The following UCP2 variants were observed in gnomAD, a reference collection of about 807,000 sequenced individuals.
UCP2 encodes the protein dicarboxylate carrier SLC25A8.
UCP2 carries 27 observed loss-of-function variants against 31.3 expected under a neutral mutation model. That is an observed-to-expected ratio of 0.86 (90% CI 0.64 to 1.19). The LOEUF (loss-of-function observed/expected upper bound fraction) is 1.19, where lower values mean the gene tolerates loss of function less well. Among genes scored for constraint, UCP2 ranks in the 50% most tolerant of loss-of-function variants. UCP2 has a pLI of 0.00. For synonymous variants in UCP2, 142 were observed against 157.4 expected (o/e 0.90, Z 0.73); for missense variants, 377 against 413.5 (o/e 0.91, Z 0.76).
chr11:73,979,794 G>A (rs78871326), intron 2 of UCP2: 2 of 151,548 alleles, frequency 1.3e-5, no homozygotes, highest in African/African-American at 2.4e-5. Flanking sequence ...CTCCAGTCTG[G>A]GTGAGAGAGT....
intron 1 of UCP2, among the ~76,000 whole-genome samples, chr11:73,982,293 AG>A (rs1951472002): frequency 6.6e-6 from 1 of 152,244 alleles, no homozygotes; most frequent in African/African-American, 2.4e-5. Flanking sequence ...AAGGACAGAA[AG>A]GATTAGCACA....
At chr11:73,976,542 G>C in intron 6 of UCP2, 99 bp downstream of exon 6, 1 of 971,958 alleles carries the variant, frequency 1.0e-6, no homozygotes. Flanking sequence ...AGGGCAAATA[G>C]GATGAAAAGA....
At position 73,976,947 on chromosome 11, in the gene UCP2, G is replaced by A; in HGVS notation, c.408C>T (p.Pro136=). The part of the protein sequence containing the change: ...TGALAVAVAQ[P]TDVVKVRFQA... Reference sequence around the variant, plus strand: ...GGAATCGGACCTTTACCACATCCGTGGGCTGGGCCACAGCCACAGCCAGGG... The same window carrying A: ...GGAATCGGACCTTTACCACATCCGTAGGCTGGGCCACAGCCACAGCCAGGG... The change falls in exon 5 of 8, where the codon CCC becomes CCT. Residue 136 remains proline, a synonymous_variant. Transcript: ENST00000663595. 6.2e-7 allele frequency: 1 copy of A among 1,611,618 alleles called. No homozygotes were observed. Among genetic ancestry groups the A allele is most frequent in the African/African-American group, 1.3e-5 (1 of 74,976 alleles).
At chr11:73,977,255 G>A (rs1727629065) in intron 4 of UCP2, among the ~76,000 whole-genome samples, 1 of 152,222 alleles carries the variant, frequency 6.6e-6, no homozygotes. Flanking sequence ...GAAACTTGGT[G>A]CTTTCTTTCA....
At position 73,976,804 on chromosome 11, in the gene UCP2, G is replaced by A. The variant is rs998528034; in HGVS notation, c.532+19C>T. The A allele has an allele frequency of 1.9e-6, 3 of 1,614,126 alleles. No individual in the cohort carries two copies. Among genetic ancestry groups the A allele is most frequent in the East Asian group, 2.2e-5 (1 of 44,902 alleles). On this transcript the variant is annotated intron_variant, in intron 5 of 7. Transcript: ENST00000663595. ...ATCGGGGAGGAGGAAAAGGGGAAGGGAAAACAACTGGTACACACCTTTCCA... is the reference window on the plus strand; with the variant it reads ...ATCGGGGAGGAGGAAAAGGGGAAGGAAAAACAACTGGTACACACCTTTCCA...
chr11:73,980,125 C>G (rs1951427823), intron 2 of UCP2: 1 of 152,300 alleles, frequency 6.6e-6, no homozygotes. Flanking sequence ...CTCCACTGCC[C>G]CAGGAGGAAG....
chr11:73,978,125 G>C (rs749679860), intron 3 of UCP2, 29 bp from the exon 4 acceptor site: 39 of 1,613,816 alleles, frequency 2.4e-5, no homozygotes, highest in Middle Eastern at 3.3e-4. Context: ...GTAGCTACAG[G>C]GATAAGCATG....
At position 73,974,924 on chromosome 11, in the gene UCP2, G is replaced by C. The variant is rs954807031; in HGVS notation, c.*83C>G. The C allele has an allele frequency of 8.7e-7, 1 of 1,145,762 alleles. No homozygotes were observed. The highest frequency in any genetic ancestry group is 1.3e-6 in the Non-Finnish European group (1 of 775,820). The allele number at this position is 1,145,762 out of a possible 1,614,324, so 71.0% of individuals were successfully genotyped here. ...AAGAGGGAAGGAGAGAAGGGAAGGA[G>C]GGAAGAGAAAGAAGGAAGAAAAGGA... On this transcript the variant is annotated 3_prime_UTR_variant, in exon 8 of 8. Coordinates refer to ENST00000663595, the MANE Select transcript of UCP2 (RefSeq NM_003355.3).
Position 73,978,088 on chromosome 11 carries a change from T to A in UCP2, c.135A>T (p.Gly45=), listed in dbSNP as rs1422667169. The A allele has an allele frequency of 6.2e-7, 1 of 1,614,046 alleles. No homozygotes were observed. The highest frequency in any genetic ancestry group is 1.7e-5 in the Admixed American group (1 of 59,994). Residue 45 remains glycine, a synonymous_variant, in exon 4 of 8, where the codon GGA becomes GGT. Coordinates refer to ENST00000663595, the MANE Select transcript of UCP2 (RefSeq NM_003355.3). ...TAGCGCGCACTGGCCCCTGACTTTC[T>A]CCTTGGATCTGCAAGGCCAAGACAG... ...DTAKVRLQIQ[G]ESQGPVRATA...
intron 2 of UCP2, among the ~76,000 whole-genome samples, chr11:73,979,529 G>C (rs1463473876): frequency 6.6e-6 from 1 of 151,912 alleles, no homozygotes; most frequent in Non-Finnish European, 1.5e-5. Flanking sequence ...CTAGGCGACA[G>C]AGCAAGACTC....
Position 73,978,089 on chromosome 11 carries a change from C to T in UCP2, c.134G>A (p.Gly45Glu). The T allele has an allele frequency of 6.2e-7, 1 of 1,614,080 alleles. No individual in the cohort carries two copies. The highest frequency in any genetic ancestry group is 8.5e-7 in the Non-Finnish European group (1 of 1,180,002). ...DTAKVRLQIQ[G>E]ESQGPVRATA... ...AGCGCGCACTGGCCCCTGACTTTCT[C>T]CTTGGATCTGCAAGGCCAAGACAGG... Residue 45 changes from glycine to glutamate, a missense_variant, in exon 4 of 8, where the codon GGA becomes GAA. Physicochemically the swap from Gly to Glu is moderately conservative, Grantham distance 98 (BLOSUM62 -2). Coordinates refer to ENST00000663595, the MANE Select transcript of UCP2 (RefSeq NM_003355.3).
In UCP2 at chr11:73,974,710, G is replaced by A; in HGVS notation, c.*297C>T. 1 of 433,758 alleles carries A rather than the reference G, an allele frequency of 2.3e-6. No homozygotes were observed. Among genetic ancestry groups the A allele is most frequent in the Non-Finnish European group, 4.3e-6 (1 of 232,100 alleles). The allele number at this position is 433,758 out of a possible 1,614,324, so 26.9% of individuals were successfully genotyped here. A position where few individuals can be genotyped will look rare whatever the true frequency, so the allele number is the denominator to read the frequency against. On this transcript the variant is annotated 3_prime_UTR_variant, in exon 8 of 8. Transcript: ENST00000663595. Reference sequence around the variant, plus strand: ...GCTTTATGGATGACAAGTGGGCTAGGCTGGGCTGTCGGGGGCAGGACGAAG... The same window carrying A: ...GCTTTATGGATGACAAGTGGGCTAGACTGGGCTGTCGGGGGCAGGACGAAG...
Position 73,977,944 on chromosome 11 carries a change from G to GAT in UCP2, c.278_279insAT (p.Val95LeufsTer28). 1 of 1,614,256 alleles carries GAT rather than the reference G, an allele frequency of 6.2e-7. No homozygotes were observed. Among genetic ancestry groups the GAT allele is most frequent in the Non-Finnish European group, 8.5e-7 (1 of 1,180,042 alleles). On this transcript the variant is annotated frameshift_variant, in exon 4 of 8. Coordinates refer to ENST00000663595, the MANE Select transcript of UCP2 (RefSeq NM_003355.3). LOFTEE classifies it high-confidence loss of function. ...AATCATACAGGCCGATGCGGACAGA[G>GAT]GCAAAGCTCATTTGGCGCTGCAGGC...
intron 4 of UCP2, among the ~76,000 whole-genome samples, chr11:73,977,430 G>C (rs1951370589): frequency 6.6e-6 from 1 of 152,162 alleles, no homozygotes; most frequent in African/African-American, 2.4e-5. Flanking sequence ...TGTGATCTGG[G>C]AAAGACAACC....
In UCP2 at chr11:73,982,344, T is replaced by C. The variant is rs540323863; in HGVS notation, c.-257+377A>G. 5.9e-5 allele frequency among the ~76,000 whole-genome samples: 9 copies of C among 152,346 alleles called. No individual in the cohort carries two copies. In the South Asian group the frequency reaches 1.9e-3, roughly 32 times the overall value. ...GCTCATGCCTAAAATTCTAGGACTTTGTGAGGCCGAGGCGGGCGGATTGCT... is the reference window on the plus strand; with the variant it reads ...GCTCATGCCTAAAATTCTAGGACTTCGTGAGGCCGAGGCGGGCGGATTGCT... On this transcript the variant is annotated intron_variant, in intron 1 of 7. Coordinates refer to ENST00000663595, the MANE Select transcript of UCP2 (RefSeq NM_003355.3).
At chr11:73,979,711 G>C (rs1006417821) in intron 2 of UCP2, among the ~76,000 whole-genome samples, 9 of 151,880 alleles carry the variant, frequency 5.9e-5, no homozygotes, top group Non-Finnish European at 1.3e-4. Context: ...CAGGCCTATA[G>C]TCCCAGCTAC....
chr11:73,978,177 G>T (rs2135368275), intron 3 of UCP2, 76 bp downstream of exon 3: 1 of 1,613,874 alleles, frequency 6.2e-7, no homozygotes, highest in East Asian at 2.2e-5. Flanking sequence ...TCCAAACACT[G>T]GCCCTTGAGG....
intron 2 of UCP2, chr11:73,980,651 A>AC (rs1951436483): frequency 6.6e-6 from 1 of 152,178 alleles, no homozygotes; most frequent in East Asian, 1.9e-4. Context: ...TCCATGTGAG[A>AC]TGAGTAAGAG....
At chr11:73,982,499 T>C (rs1437757831) in intron 1 of UCP2, among the ~76,000 whole-genome samples, 1 of 152,104 alleles carries the variant, frequency 6.6e-6, no homozygotes, top group African/African-American at 2.4e-5. Flanking sequence ...CGCTTGAACC[T>C]GGGAGGTGGA....
Sources: allele counts gnomAD v4.1 joint callset (sites outside exome capture counted in the v4.1 genomes callset), GRCh38; gene constraint gnomAD v4.1.1; transcripts MANE v1.5; gene names NCBI Gene and HGNC (gene_info 2026-07-23, HGNC 2026-07-21).